The following FOXK1 variants were observed in gnomAD, a reference collection of about 807,000 sequenced individuals.
FOXK1 encodes forkhead box K1.
Under a neutral mutation model 51.9 loss-of-function variants are expected in FOXK1, and 19 were observed. That is an observed-to-expected ratio of 0.37 (90% CI 0.26 to 0.54). FOXK1 has a LOEUF of 0.54. Ranked by LOEUF, FOXK1 falls within the 20% of genes least tolerant of loss-of-function variation. The pLI is 0.87. For missense variants in FOXK1, 870 were observed against 1,032.7 expected, an observed-to-expected ratio of 0.84 and a Z score of 2.16; for synonymous variants, 537 against 482.6, an observed-to-expected ratio of 1.11 and a Z score of -1.48.
In FOXK1 at chr7:4,749,720, C is replaced by T. The variant is rs1375451539; in HGVS notation, c.747-4739C>T. Among the ~76,000 whole-genome samples, 1 of 152,214 alleles carries T rather than the reference C, an allele frequency of 6.6e-6. No individual in the cohort carries two copies. The highest frequency in any genetic ancestry group is 1.5e-5 in the Non-Finnish European group (1 of 68,038). ...CAGGGTGGCCTTCTCAGCCTCAGAG[C>T]AGAGCCAAGGGCATTGAGGGTGGAC... On this transcript the variant is annotated intron_variant, in intron 2 of 8. Coordinates refer to ENST00000328914, the MANE Select transcript of FOXK1 (RefSeq NM_001037165.2). This position sits in a 1 kb window ranked among gnomAD's most constrained non-coding sequence, Gnocchi z 6.0.
chr7:4,684,765 C>T (rs143045250), intron 1 of FOXK1, among the ~76,000 whole-genome samples: 1 of 152,140 alleles, frequency 6.6e-6, no homozygotes, highest in Non-Finnish European at 1.5e-5. Flanking sequence ...CTGCCCCTGC[C>T]GTGGAAACAG....
At chr7:4,698,786 T>G (rs1354631798) in intron 1 of FOXK1, among the ~76,000 whole-genome samples, 6 of 152,280 alleles carry the variant, frequency 3.9e-5, no homozygotes, top group African/African-American at 1.4e-4. Flanking sequence ...ACTCCTGAGC[T>G]CAGGTGATCC....
chr7:4,682,842 C>T lies in FOXK1; in HGVS notation c.534C>T (p.Gly178=). The change falls in exon 1 of 9, where the codon GGC becomes GGT. Residue 178 remains glycine, a synonymous_variant. Coordinates refer to ENST00000328914, the MANE Select transcript of FOXK1 (RefSeq NM_001037165.2). This position sits in a 1 kb window ranked among gnomAD's most constrained non-coding sequence, Gnocchi z 7.6. ...TGGACGGGGCCTTCCAGAGACGCGGCGCGCCCGCCCTGCAGCTGCCCAAGC... is the reference window on the plus strand; with the variant it reads ...TGGACGGGGCCTTCCAGAGACGCGGTGCGCCCGCCCTGCAGCTGCCCAAGC... ...VFVDGAFQRR[G]APALQLPKQC... is the part of the protein sequence containing the mutation. 6.4e-7 allele frequency: 1 copy of T among 1,561,444 alleles called. No individual in the cohort carries two copies. The highest frequency in any genetic ancestry group is 1.4e-5 in the African/African-American group (1 of 72,916).
chr7:4,688,984 T>C (rs1426577272), intron 1 of FOXK1, among the ~76,000 whole-genome samples: 2 of 151,842 alleles, frequency 1.3e-5, no homozygotes, highest in African/African-American at 4.8e-5. Context: ...CTGCACTTTT[T>C]TTTTTTTTTG....
At chr7:4,697,860 T>C (rs182799171) in intron 1 of FOXK1, among the ~76,000 whole-genome samples, 1 of 152,140 alleles carries the variant, frequency 6.6e-6, no homozygotes, top group East Asian at 1.9e-4. Context: ...AGTCTCGCTC[T>C]GTCATCCAGA....
intron 2 of FOXK1, among the ~76,000 whole-genome samples, chr7:4,751,504 A>G (rs1583209397): frequency 6.6e-6 from 1 of 152,190 alleles, no homozygotes; most frequent in East Asian, 1.9e-4. Flanking sequence ...GTCTTCCCCC[A>G]GGGCACTTTA....
chr7:4,701,328 C>T (rs1326373168), intron 1 of FOXK1, among the ~76,000 whole-genome samples: 1 of 152,094 alleles, frequency 6.6e-6, no homozygotes, highest in Non-Finnish European at 1.5e-5. Context: ...CAGAGACTGG[C>T]CAAAACTTAG....
intron 1 of FOXK1, among the ~76,000 whole-genome samples, chr7:4,725,390 T>G (rs1449313403): frequency 6.6e-6 from 1 of 152,204 alleles, no homozygotes; most frequent in African/African-American, 2.4e-5. Context: ...TCATCGGATT[T>G]TTTTTCACTG....
chr7:4,741,801 G>A (rs1300525683), intron 2 of FOXK1, among the ~76,000 whole-genome samples: 1 of 152,170 alleles, frequency 6.6e-6, no homozygotes, highest in African/African-American at 2.4e-5. Flanking sequence ...CCTGAGTAGG[G>A]GTTGCAGGTG....
chr7:4,684,096 C>T (rs989265814), intron 1 of FOXK1, among the ~76,000 whole-genome samples: 1 of 152,204 alleles, frequency 6.6e-6, no homozygotes, highest in African/African-American at 2.4e-5. Context: ...TCCTTTCCAG[C>T]TCCACTGCCC....
chr7:4,688,266 T>TA (rs34515938), intron 1 of FOXK1, among the ~76,000 whole-genome samples: 4,638 of 135,494 alleles, frequency 0.034, 65 homozygotes, highest in Middle Eastern at 0.051. Flanking sequence ...TAAGAATTCT[T>TA]AAAAAAAAAA....
In FOXK1 at chr7:4,705,993, CGT is replaced by C. The variant is rs1562373074; in HGVS notation, c.560+23126_560+23127del. On this transcript the variant is annotated intron_variant, in intron 1 of 8. Coordinates refer to ENST00000328914, the MANE Select transcript of FOXK1 (RefSeq NM_001037165.2). ...ATATACGTATATATACGTATATATA[CGT>C]ATATATACGTATATATACGTATATA... 3.7e-3 allele frequency among the ~76,000 whole-genome samples: 377 copies of C among 103,212 alleles called. 36 individuals carry two copies. The highest frequency in any genetic ancestry group is 0.017 in the African/African-American group (361 of 21,344). The allele number at this position is 103,212 out of a possible 152,430, so 67.7% of individuals were successfully genotyped here. A position where few individuals can be genotyped will look rare whatever the true frequency, so the allele number is the denominator to read the frequency against.
rs929516867 is a variant in FOXK1, at chr7:4,767,800, C to T, written c.*5336C>T. On this transcript the variant is annotated 3_prime_UTR_variant, in exon 9 of 9. Coordinates refer to ENST00000328914, the MANE Select transcript of FOXK1 (RefSeq NM_001037165.2). This position sits in a 1 kb window ranked among gnomAD's most constrained non-coding sequence, Gnocchi z 6.6. ...GGTTGGGTTTTGATACGAAAAGCTG[C>T]TACGTTTGGTGACCAGAGGGAGGGT... The T allele has an allele frequency of 6.6e-6, 1 of 151,750 alleles. No homozygotes were observed. The highest frequency in any genetic ancestry group is 6.6e-5 in the Admixed American group (1 of 15,194). 9.4% of individuals were successfully genotyped at this position (151,750 alleles called of 1,614,324 possible).
rs955843744 is a variant in FOXK1 at position 4,730,428 on chromosome 7, G to A, written c.561-10410G>A. Among the ~76,000 whole-genome samples the A allele has an allele frequency of 6.6e-6, 1 of 152,238 alleles. No individual in the cohort carries two copies. The highest frequency in any genetic ancestry group is 2.4e-5 in the African/African-American group (1 of 41,462). On this transcript the variant is annotated intron_variant, in intron 1 of 8. Transcript: ENST00000328914. The surrounding 1 kb of genome is among the most constrained non-coding windows in gnomAD (Gnocchi z 4.7). ...GGGTTGTGGCATGGACCCAAAAGTG[G>A]AGTCACGGTTGCAGCTCTGGTTCCT... is the stretch of plus-strand genomic sequence containing the variant.
intron 1 of FOXK1, among the ~76,000 whole-genome samples, chr7:4,710,216 A>G (rs1185145988): frequency 6.6e-6 from 1 of 152,210 alleles, no homozygotes; most frequent in African/African-American, 2.4e-5. Context: ...AACAACACAA[A>G]TGCCTGCTTC....
intron 1 of FOXK1, among the ~76,000 whole-genome samples, chr7:4,727,682 G>T (rs912406619): frequency 5.9e-5 from 9 of 152,248 alleles, no homozygotes; most frequent in South Asian, 2.1e-4. Flanking sequence ...GCGGCCTGCT[G>T]TCCGTCCCTG....
At position 4,705,554 on chromosome 7, in the gene FOXK1, T is replaced by TCG. The variant is rs1554249287; in HGVS notation, c.560+22687_560+22688insGC. 2.0e-3 allele frequency among the ~76,000 whole-genome samples: 260 copies of TCG among 131,558 alleles called. 2 individuals are homozygous for TCG. Among genetic ancestry groups the TCG allele is most frequent in the African/African-American group, 6.9e-3 (220 of 31,754 alleles). The allele number at this position is 131,558 out of a possible 152,430, so 86.3% of individuals were successfully genotyped here. A position where few individuals can be genotyped will look rare whatever the true frequency, so the allele number is the denominator to read the frequency against. ...CTCTCTCTCTCTCTCTCTCTCTCTC[T>TCG]CTCTCGCTCTCGCTCTCTCGTCGCC... On this transcript the variant is annotated intron_variant, in intron 1 of 8. Transcript: ENST00000328914.
At position 4,740,893 on chromosome 7, in the gene FOXK1, C is replaced by T. The variant is rs1449726414; in HGVS notation, c.616C>T (p.His206Tyr). ...CAAGATCCAGTTCACGTCGCTCTAT[C>T]ACAAAGAAGAGGCCCCAGCCTCCCC... ...AIKIQFTSLY[H>Y]KEEAPASPLR... Residue 206 changes from histidine (H) to tyrosine (Y), a missense_variant, in exon 2 of 9, where the codon CAC becomes TAC. By Grantham distance (83) the His-to-Tyr change is moderately conservative (BLOSUM62 2). Around this residue, in one of 3 missense-constraint regions of FOXK1, gnomAD observed 399 missense variants for 475.6 expected, o/e 0.84. Transcript: ENST00000328914. The T allele has an allele frequency of 6.3e-7, 1 of 1,594,724 alleles. No individual in the cohort carries two copies. Among genetic ancestry groups the T allele is most frequent in the Non-Finnish European group, 8.5e-7 (1 of 1,171,816 alleles).
In FOXK1 at chr7:4,762,593, C is replaced by G. The variant is rs371240692; in HGVS notation, c.*129C>G. On this transcript the variant is annotated 3_prime_UTR_variant, in exon 9 of 9. Coordinates refer to ENST00000328914, the MANE Select transcript of FOXK1 (RefSeq NM_001037165.2). This position sits in a 1 kb window ranked among gnomAD's most constrained non-coding sequence, Gnocchi z 5.7. The stretch of plus-strand genomic sequence containing the variant: ...GGCGGCCTGTGGGCATCGGCGGCAC[C>G]TGGACACACCCAGCCCTTTCCATTT... The G allele has an allele frequency of 2.4e-6, 2 of 828,820 alleles. No homozygotes were observed. The highest frequency in any genetic ancestry group is 3.7e-6 in the Non-Finnish European group (2 of 544,246). 51.3% of individuals were successfully genotyped at this position (828,820 alleles called of 1,614,324 possible).
Sources: gnomAD v4.1 joint callset for allele counts (sites outside exome capture counted in the v4.1 genomes callset) on GRCh38, gnomAD v4.1.1 for gene constraint, gnomAD v4.1.1 regional missense constraint, Gnocchi (gnomAD v3.1) non-coding constraint, MANE v1.5 for transcripts, NCBI Gene and HGNC (gene_info 2026-07-23, HGNC 2026-07-21) for gene names.